TTC28: variants seen among roughly 807,000 people sequenced by gnomAD.
The protein encoded by TTC28 is tetratricopeptide repeat protein 28.
TTC28 carries 61 observed loss-of-function variants against 198.0 expected under a neutral mutation model. That is an observed-to-expected ratio of 0.31 (90% CI 0.25 to 0.38). The LOEUF is 0.38. TTC28 is among the 10% of genes least tolerant of loss of function. The pLI, the probability that TTC28 is intolerant of heterozygous loss-of-function variation, is 1.00. For synonymous variants in TTC28, 1,171 were observed against 1,297.8 expected, an observed-to-expected ratio of 0.90 and a Z score of 2.10; for missense variants, 2,678 against 3,164.0, an observed-to-expected ratio of 0.85 and a Z score of 3.69.
At position 28,101,180 on chromosome 22, in the gene TTC28, G is replaced by A; in HGVS notation, c.3408C>T (p.Ala1136=). The change falls in exon 9 of 23, where the codon GCC becomes GCT. Residue 1136 remains alanine (A), a synonymous_variant. Transcript: ENST00000397906. ...CAGGGGTTCTGCTTACCTGGTGTTG[G>A]GCCTCCTCCAAGTTTCCACTAGCCC... ...SLWASGNLEE[A]QHQLYRASAL... is the part of the protein sequence containing the mutation. 6.5e-7 allele frequency: 1 copy of A among 1,550,058 alleles called. No homozygotes were observed. The highest frequency in any genetic ancestry group is 8.7e-7 in the Non-Finnish European group (1 of 1,146,384).
intron 6 of TTC28, among the ~76,000 whole-genome samples, chr22:28,159,567 G>A (rs1943838473): frequency 6.6e-6 from 1 of 150,650 alleles, no homozygotes; most frequent in Admixed American, 6.7e-5. Context: ...GCTAAGGCAG[G>A]AAAATCGCTG....
At chr22:28,396,155 T>C (rs548942332) in intron 2 of TTC28, among the ~76,000 whole-genome samples, 13 of 152,312 alleles carry the variant, frequency 8.5e-5, no homozygotes, top group Admixed American at 3.3e-4. Context: ...AACTTGACTT[T>C]GGGGAAATAG....
chr22:28,107,133 T>A lies in TTC28; in HGVS notation c.2712A>T (p.Leu904Phe). 6.4e-7 allele frequency: 1 copy of A among 1,551,732 alleles called. No homozygotes were observed. Among genetic ancestry groups the A allele is most frequent in the Non-Finnish European group, 8.7e-7 (1 of 1,147,004 alleles). Residue 904 changes from leucine to phenylalanine, a missense_variant, in exon 7 of 23, where the codon TTA becomes TTT. This residue lies in a region of TTC28 where 775 missense variants were observed against 845.9 expected (regional missense o/e 0.92). Transcript: ENST00000397906. The part of the protein sequence containing the change: ...EEAIKYYEQY[L>F]SVAQSLNRMQ... ...TGCGATTCAGACTCTGCGCGACAGA[T>A]AAATATTGTTCATAGTATTTGATAG...
intron 2 of TTC28, among the ~76,000 whole-genome samples, chr22:28,437,573 A>AT (rs545606407): frequency 7.3e-5 from 11 of 151,578 alleles, no homozygotes; most frequent in South Asian, 2.1e-4. Context: ...ACAGATATGC[A>AT]TTTTTTTTGT....
chr22:28,066,326 C>T (rs557897166), intron 12 of TTC28, among the ~76,000 whole-genome samples: 10 of 151,496 alleles, frequency 6.6e-5, no homozygotes, highest in East Asian at 2.0e-4. Flanking sequence ...TGTGTGTGCG[C>T]GCGCGCATGC....
intron 12 of TTC28, among the ~76,000 whole-genome samples, chr22:28,078,943 CT>C (rs934198437): frequency 3.3e-5 from 5 of 152,088 alleles, no homozygotes; most frequent in Admixed American, 6.5e-5. Flanking sequence ...TGGGAAAGCC[CT>C]TGGTGTAAAC....
At chr22:28,591,341 A>G (rs1601600607) in intron 2 of TTC28, among the ~76,000 whole-genome samples, 1 of 151,646 alleles carries the variant, frequency 6.6e-6, no homozygotes, top group East Asian at 1.9e-4. Flanking sequence ...AGTGTCCTTA[A>G]TTATAAGAAG....
At chr22:28,406,704 C>A (rs1601352321) in intron 2 of TTC28, among the ~76,000 whole-genome samples, 1 of 152,182 alleles carries the variant, frequency 6.6e-6, no homozygotes, top group Non-Finnish European at 1.5e-5. Context: ...CTAATGAGAA[C>A]ATCAGAAGTC....
chr22:28,024,600 G>A (rs1938747451), intron 13 of TTC28, among the ~76,000 whole-genome samples: 1 of 152,228 alleles, frequency 6.6e-6, no homozygotes, highest in Non-Finnish European at 1.5e-5. Context: ...CAGGTGGGTG[G>A]TAATGGGATC....
chr22:28,257,220 T>C (rs1396827811), intron 5 of TTC28, among the ~76,000 whole-genome samples: 7 of 151,876 alleles, frequency 4.6e-5, no homozygotes, highest in Non-Finnish European at 7.4e-5. Context: ...AAAATAGAAA[T>C]ACCATATGAT....
At chr22:28,634,817 T>C (rs898032097) in intron 1 of TTC28, among the ~76,000 whole-genome samples, 2 of 151,890 alleles carry the variant, frequency 1.3e-5, no homozygotes, top group South Asian at 4.2e-4. Flanking sequence ...ACTCCTGACC[T>C]CAAGTGATCC....
At chr22:28,631,161 A>G (rs887237135) in intron 1 of TTC28, among the ~76,000 whole-genome samples, 1 of 152,202 alleles carries the variant, frequency 6.6e-6, no homozygotes, top group Non-Finnish European at 1.5e-5. Flanking sequence ...TGAGAGAACA[A>G]AATCAAAATA....
chr22:28,444,702 C>T (rs1255347113), intron 2 of TTC28, among the ~76,000 whole-genome samples: 1 of 152,136 alleles, frequency 6.6e-6, no homozygotes, highest in Non-Finnish European at 1.5e-5. Flanking sequence ...AGAATTCAGA[C>T]CCACAATGAC....
intron 2 of TTC28, among the ~76,000 whole-genome samples, chr22:28,549,244 G>T (rs1476709457): frequency 6.6e-6 from 1 of 151,994 alleles, no homozygotes; most frequent in Non-Finnish European, 1.5e-5. Context: ...GGCCAGGCTG[G>T]TCTCAAACTT....
intron 2 of TTC28, among the ~76,000 whole-genome samples, chr22:28,422,932 C>A (rs2047284860): frequency 6.6e-6 from 1 of 152,084 alleles, no homozygotes; most frequent in East Asian, 1.9e-4. Context: ...AAATTGCCAT[C>A]TTCTTATTTC....
intron 2 of TTC28, among the ~76,000 whole-genome samples, chr22:28,557,090 G>A (rs531964181): frequency 2.0e-4 from 30 of 152,286 alleles, no homozygotes; most frequent in African/African-American, 5.1e-4. Flanking sequence ...AGAATCATTC[G>A]GGATCATCTT....
intron 2 of TTC28, among the ~76,000 whole-genome samples, chr22:28,499,702 A>G (rs1182622732): frequency 6.6e-6 from 1 of 152,234 alleles, no homozygotes; most frequent in Non-Finnish European, 1.5e-5. Context: ...GTATGAAGAT[A>G]GCATACATGA....
intron 6 of TTC28, among the ~76,000 whole-genome samples, chr22:28,137,526 G>A (rs1943226905): frequency 6.6e-6 from 1 of 152,002 alleles, no homozygotes; most frequent in South Asian, 2.1e-4. Context: ...TCTCTTGGAG[G>A]GCCCTCTTGG....
intron 12 of TTC28, among the ~76,000 whole-genome samples, chr22:28,035,634 C>A (rs1939308753): frequency 6.6e-6 from 1 of 152,072 alleles, no homozygotes; most frequent in Non-Finnish European, 1.5e-5. Context: ...CTGAAAAGGC[C>A]CACCCATTTT....
Sources: allele counts gnomAD v4.1 joint callset (sites outside exome capture counted in the v4.1 genomes callset), GRCh38; gene constraint gnomAD v4.1.1; regional missense constraint gnomAD v4.1.1; transcripts MANE v1.5; gene names NCBI Gene and HGNC (gene_info 2026-07-23, HGNC 2026-07-21).